TTC39B: variants seen among roughly 807,000 people sequenced by gnomAD.
TTC39B encodes the protein tetratricopeptide repeat domain 39B.
Under a neutral mutation model 96.6 loss-of-function variants are expected in TTC39B, and 92 were observed. The observed-to-expected ratio is 0.95, with a 90% CI of 0.80 to 1.13. The LOEUF (loss-of-function observed/expected upper bound fraction) is 1.13, where lower values mean the gene tolerates loss of function less well. Among genes scored for constraint, TTC39B ranks in the 50% most tolerant of loss-of-function variants. The pLI is 0.00. For missense variants in TTC39B, 955 were observed against 809.3 expected (o/e 1.18, Z -2.18); for synonymous variants, 367 against 299.4 (o/e 1.23, Z -2.33).
intron 2 of TTC39B, chr9:15,232,156 C>CT (rs1821459339): frequency 6.5e-6 from 1 of 152,672 alleles, no homozygotes; most frequent in Non-Finnish European, 1.5e-5. Flanking sequence ...GGTCTCATCA[C>CT]AGTAAATAAA....
intron 1 of TTC39B, among the ~76,000 whole-genome samples, chr9:15,297,319 A>G (rs540370677): frequency 1.3e-4 from 20 of 152,356 alleles, no homozygotes; most frequent in African/African-American, 4.8e-4. Flanking sequence ...TTTTACAGAC[A>G]GATCATCAGT....
At chr9:15,296,587 C>T (rs1481509398) in intron 1 of TTC39B, among the ~76,000 whole-genome samples, 1 of 152,174 alleles carries the variant, frequency 6.6e-6, no homozygotes, top group African/African-American at 2.4e-5. Context: ...CTCCGCCTCC[C>T]AGGTTCAAGC....
chr9:15,260,821 T>TA (rs113675511), intron 2 of TTC39B, among the ~76,000 whole-genome samples: 45,226 of 152,116 alleles, frequency 0.3, 10,757 homozygotes, highest in African/African-American at 0.66. Context: ...ATTACCTGGC[T>TA]AAAAAAATCT....
intron 8 of TTC39B, among the ~76,000 whole-genome samples, chr9:15,195,732 A>C (rs1355180890): frequency 6.6e-6 from 1 of 151,578 alleles, no homozygotes; most frequent in Non-Finnish European, 1.5e-5. Flanking sequence ...TAGAAGCTGT[A>C]GCAAGTTATC....
At position 15,291,941 on chromosome 9, in the gene TTC39B, TG is replaced by T. The variant is rs201729808; in HGVS notation, c.240+15142del. On this transcript the variant is annotated intron_variant, in intron 1 of 19. Coordinates refer to ENST00000512701, the Ensembl canonical transcript of TTC39B. Reference sequence around the variant, plus strand: ...AACCTCTCTGTGAGCTTCAGTCTCCTGATCAATCAAATGGGAATTCTAATGC... The same window carrying T: ...AACCTCTCTGTGAGCTTCAGTCTCCTATCAATCAAATGGGAATTCTAATGC... Among the ~76,000 whole-genome samples, 653 of 152,332 alleles carry T rather than the reference TG, an allele frequency of 4.3e-3. 3 individuals are homozygous for T. Among genetic ancestry groups the T allele is most frequent in the African/African-American group, 0.015 (632 of 41,578 alleles).
intron 2 of TTC39B, among the ~76,000 whole-genome samples, chr9:15,263,392 C>A (rs912388763): frequency 2.0e-5 from 3 of 152,146 alleles, no homozygotes; most frequent in South Asian, 4.1e-4. Context: ...GGCCTCCCAG[C>A]CAGTAAATGG....
At chr9:15,258,587 G>C (rs1377615493) in intron 2 of TTC39B, among the ~76,000 whole-genome samples, 4 of 152,198 alleles carry the variant, frequency 2.6e-5, no homozygotes, top group African/African-American at 9.6e-5. Context: ...TTATGGAGGA[G>C]GCAAGGAACT....
At chr9:15,207,214 ACATTCCACCTC>A (rs1302817918) in intron 6 of TTC39B, among the ~76,000 whole-genome samples, 3 of 152,192 alleles carry the variant, frequency 2.0e-5, no homozygotes, top group Non-Finnish European at 4.4e-5. Flanking sequence ...ATGGACTAAT[ACATTCCACCTC>A]CTGGGCTCAA....
chr9:15,202,491 C>T (rs898027000), intron 7 of TTC39B, among the ~76,000 whole-genome samples: 5 of 152,120 alleles, frequency 3.3e-5, no homozygotes, highest in African/African-American at 1.2e-4. Flanking sequence ...GTGGGTGGAA[C>T]ACCTGAGGTC....
intron 1 of TTC39B, among the ~76,000 whole-genome samples, chr9:15,270,173 G>GAA (rs771648676): frequency 0.026 from 3,654 of 142,192 alleles, 159 homozygotes; most frequent in African/African-American, 0.088. Context: ...CCATCTCAAG[G>GAA]AAAAAAAAAA....
intron 1 of TTC39B, among the ~76,000 whole-genome samples, chr9:15,268,214 T>C (rs551900535): frequency 3.0e-4 from 45 of 152,162 alleles, no homozygotes; most frequent in Non-Finnish European, 5.4e-4. Flanking sequence ...AAAGAGACTA[T>C]GACGTCTTTT....
At chr9:15,307,093 T>C in exon 1 of TTC39B, 1 of 1,610,370 alleles carries the variant, frequency 6.2e-7, no homozygotes, top group Non-Finnish European at 8.5e-7. Flanking sequence ...CCTCGTCCGC[T>C]TCCAGCTCCG....
rs568059551 is a variant in TTC39B at position 15,213,293 on chromosome 9, T to C, written c.482+846A>G. Among the ~76,000 whole-genome samples the C allele has an allele frequency of 6.6e-5, 10 of 152,276 alleles. No individual in the cohort carries two copies. The East Asian group carries it at 1.5e-3, about 23-fold the overall frequency. ...CAAGGTGGAGATTGTGAGGCAAATA[T>C]TGAAGACAACACTGGAAAATTTCCT... is the stretch of plus-strand genomic sequence containing the variant. On this transcript the variant is annotated intron_variant, in intron 4 of 19. Coordinates refer to ENST00000512701, the Ensembl canonical transcript of TTC39B.
intron 1 of TTC39B, among the ~76,000 whole-genome samples, chr9:15,290,582 C>T (rs574645415): frequency 1.3e-5 from 2 of 152,222 alleles, no homozygotes; most frequent in Non-Finnish European, 1.5e-5. Flanking sequence ...GACAAATGCA[C>T]GTTTGACGTC....
chr9:15,265,005 T>C (rs1823079644), intron 2 of TTC39B, among the ~76,000 whole-genome samples: 2 of 152,002 alleles, frequency 1.3e-5, no homozygotes, highest in Admixed American at 6.6e-5. Flanking sequence ...AAACAGTGTG[T>C]TATTATTTTA....
rs1818913298 is a variant in TTC39B, at chr9:15,192,514, A to T, written c.930+76T>A. 5.2e-6 allele frequency: 6 copies of T among 1,146,112 alleles called. No homozygotes were observed. In the East Asian group the frequency reaches 9.4e-5, roughly 18 times the overall value. The allele number at this position is 1,146,112 out of a possible 1,614,324, so 71.0% of individuals were successfully genotyped here. On this transcript the variant is annotated intron_variant, in intron 9 of 19. Coordinates refer to ENST00000512701, the Ensembl canonical transcript of TTC39B. ...CAAGGAAAGGTTCAGGATGAGGTTCAAATGCAGTGGAGAAGGCACAGAAAA... is the reference window on the plus strand; with the variant it reads ...CAAGGAAAGGTTCAGGATGAGGTTCTAATGCAGTGGAGAAGGCACAGAAAA...
rs150814372 is a variant in TTC39B at position 15,184,493 on chromosome 9, T to TG, written c.1614+786dup. ...CATCGGTTACACTGAACAGCTTTCC[T>TG]GTGCTGACTATCTATATAAAAACTA... On this transcript the variant is annotated intron_variant, in intron 16 of 19. Transcript: ENST00000512701. 4.5e-3 allele frequency among the ~76,000 whole-genome samples: 682 copies of TG among 151,750 alleles called. 15 individuals carry two copies. Among genetic ancestry groups the TG allele is most frequent in the East Asian group, 1.4e-3 (7 of 5,158 alleles).
At chr9:15,191,332 G>C in intron 9 of TTC39B, 77 bp from the exon 10 acceptor site, 2 of 951,604 alleles carry the variant, frequency 2.1e-6, no homozygotes, top group Non-Finnish European at 3.2e-6. Context: ...ACAACTTACA[G>C]TTTTAATGCT....
chr9:15,207,097 C>G (rs1819908060), intron 6 of TTC39B, among the ~76,000 whole-genome samples: 1 of 152,222 alleles, frequency 6.6e-6, no homozygotes, highest in Admixed American at 6.5e-5. Flanking sequence ...CCTGCCATGA[C>G]TTTAAGTTTC....
Sources: gnomAD v4.1 joint callset for allele counts (sites outside exome capture counted in the v4.1 genomes callset) on GRCh38, gnomAD v4.1.1 for gene constraint, MANE v1.5 for transcripts, NCBI Gene and HGNC (gene_info 2026-07-23, HGNC 2026-07-21) for gene names.